Variants in HHIPL1 observed in about 807,000 individuals in gnomAD.
The protein encoded by HHIPL1 is HHIP-like protein 1.
A neutral mutation model predicts 61.8 loss-of-function variants in HHIPL1; 43 were observed. The observed-to-expected ratio is 0.70, with a 90% confidence interval of 0.55 to 0.90. The LOEUF is 0.90. Among genes scored for constraint, HHIPL1 ranks in the 40% least tolerant of loss-of-function variants. The probability of loss-of-function intolerance (pLI) is 0.00; values close to 1 mark genes in which losing one functional copy is unlikely to be tolerated. For synonymous variants in HHIPL1, 482 were observed against 515.8 expected (o/e 0.93, Z 0.89); for missense variants, 1,056 against 1,157.7 (o/e 0.91, Z 1.28).
At chr14:99,608,698 A>G in the HHIPL1 span, among the ~76,000 whole-genome samples, 1 of 152,328 alleles carries the variant, frequency 6.6e-6, no homozygotes, top group African/African-American at 2.4e-5. Context: ...AATATGGACA[A>G]TGTTGACTGG....
chr14:99,658,496 G>A (rs1435572563), intron 3 of HHIPL1, among the ~76,000 whole-genome samples: 2 of 152,078 alleles, frequency 1.3e-5, no homozygotes, highest in Non-Finnish European at 2.9e-5. Context: ...GAAAGGTGTG[G>A]GTGCTAACGC....
At position 99,678,074 on chromosome 14, in the gene HHIPL1, A is replaced by G. The variant is rs1275819589; in HGVS notation, c.*2448A>G. 6.6e-6 allele frequency: 1 copy of G among 152,254 alleles called. No homozygotes were observed. The highest frequency in any genetic ancestry group is 2.4e-5 in the African/African-American group (1 of 41,454). 9.4% of individuals were successfully genotyped at this position (152,254 alleles called of 1,614,324 possible). On this transcript the variant is annotated 3_prime_UTR_variant, in exon 9 of 9. Transcript: ENST00000330710. ...TCAGATCATCAGGCATTAGATTCTC[A>G]TAAGGAGTTCACAGCCTAGATCCCT...
the HHIPL1 span, among the ~76,000 whole-genome samples, chr14:99,608,776 G>A: frequency 2.1e-3 from 318 of 152,282 alleles, no homozygotes; most frequent in African/African-American, 7.5e-3. Flanking sequence ...CCTCACTGAT[G>A]CGGTAAGAAC....
At chr14:99,616,892 AAAATAAAATTT>A in the HHIPL1 span, among the ~76,000 whole-genome samples, 4 of 152,202 alleles carry the variant, frequency 2.6e-5, no homozygotes, top group Non-Finnish European at 5.9e-5. Context: ...GCAAGGCCTC[AAAATAAAATTT>A]AAGTTTAAAT....
chr14:99,626,264 C>CA, the HHIPL1 span, among the ~76,000 whole-genome samples: 6 of 150,316 alleles, frequency 4.0e-5, no homozygotes, highest in African/African-American at 1.2e-4. Context: ...GTGGGTGTAG[C>CA]GGGGTGTGTG....
the HHIPL1 span, among the ~76,000 whole-genome samples, chr14:99,633,633 G>A: frequency 1.8e-4 from 27 of 152,366 alleles, no homozygotes; most frequent in Non-Finnish European, 3.2e-4. Context: ...ACTGGGAAAT[G>A]TTCGAAATTG....
In HHIPL1 at chr14:99,678,812, A is replaced by C. The variant is rs2056414284; in HGVS notation, c.*3186A>C. Reference sequence around the variant, plus strand: ...ACAGTTACATAGAATAGGGCTTGACAAAGAGTTATTAGCATAAAGCAAGGA... The same window carrying C: ...ACAGTTACATAGAATAGGGCTTGACCAAGAGTTATTAGCATAAAGCAAGGA... On this transcript the variant is annotated 3_prime_UTR_variant, in exon 9 of 9. Transcript: ENST00000330710. The C allele has an allele frequency of 6.6e-6, 1 of 152,284 alleles. No homozygotes were observed. Among genetic ancestry groups the C allele is most frequent in the Non-Finnish European group, 1.5e-5 (1 of 68,056 alleles). The allele number at this position is 152,284 out of a possible 1,614,324, so 9.4% of individuals were successfully genotyped here.
At chr14:99,637,242 AAGAAAGAAAGAAAG>A in the HHIPL1 span, among the ~76,000 whole-genome samples, 1 of 147,910 alleles carries the variant, frequency 6.8e-6, no homozygotes, top group African/African-American at 2.6e-5. Flanking sequence ...GAAAGAAAGA[AAGAAAGAAAGAAAG>A]AAAGAAAGAA....
the HHIPL1 span, among the ~76,000 whole-genome samples, chr14:99,623,556 A>G: frequency 6.6e-6 from 1 of 152,106 alleles, no homozygotes; most frequent in African/African-American, 2.4e-5. Flanking sequence ...TGGGACTGCA[A>G]GAGTGCACCA....
At chr14:99,637,046 AGAAGGAAG>A in the HHIPL1 span, among the ~76,000 whole-genome samples, 7,099 of 92,194 alleles carry the variant, frequency 0.077, 413 homozygotes, top group Non-Finnish European at 0.11. Flanking sequence ...AAAGAAAGAA[AGAAGGAAG>A]GAAGGAAAAA....
intron 8 of HHIPL1, 105 bp downstream of exon 8, chr14:99,672,504 C>A (rs544897825): frequency 3.4e-6 from 3 of 892,534 alleles, no homozygotes; most frequent in Admixed American, 4.0e-5. Context: ...GACCTAGATG[C>A]CCCTCTTCAG....
At chr14:99,674,577 T>A (rs1481330938) in intron 8 of HHIPL1, among the ~76,000 whole-genome samples, 1 of 152,176 alleles carries the variant, frequency 6.6e-6, no homozygotes, top group Non-Finnish European at 1.5e-5. Flanking sequence ...GTTCCCAACC[T>A]GCTGGCCACT....
chr14:99,672,114 G>A (rs1292451136), intron 7 of HHIPL1, among the ~76,000 whole-genome samples: 1 of 152,246 alleles, frequency 6.6e-6, no homozygotes, highest in Non-Finnish European at 1.5e-5. Flanking sequence ...CCGGTAGGCT[G>A]TTATAGGGGA....
chr14:99,656,836 A>AAAGGAAGG (rs1161567456), intron 2 of HHIPL1, among the ~76,000 whole-genome samples, 164 bp from the exon 3 acceptor site: 76 of 7,066 alleles, frequency 0.011, 3 homozygotes, highest in African/African-American at 0.017. Context: ...AGAAAGAAAG[A>AAAGGAAGG]AAGGAAGGAA....
chr14:99,660,240 C>T lies in HHIPL1; in HGVS notation c.1376-40C>T, dbSNP rs775621640. ...TTCTCCTGGCTGATGAACCTTCCCG[C>T]CGCTGGCTCACCGAAGCTTCTCTCC... On this transcript the variant is annotated intron_variant, in intron 4 of 8. Coordinates refer to ENST00000330710, the MANE Select transcript of HHIPL1 (RefSeq NM_001127258.3). This position sits in a 1 kb window ranked among gnomAD's most constrained non-coding sequence, Gnocchi z 4.9. 20 of 1,612,826 alleles carry T rather than the reference C, an allele frequency of 1.2e-5. No homozygotes were observed. The highest frequency in any genetic ancestry group is 1.7e-5 in the Non-Finnish European group (20 of 1,179,752).
the HHIPL1 span, among the ~76,000 whole-genome samples, chr14:99,613,061 C>T: frequency 2.7e-3 from 411 of 152,196 alleles, 1 homozygote; most frequent in African/African-American, 9.2e-3. Flanking sequence ...CCCTCCCAGC[C>T]CCCTCCTGTT....
intron 1 of HHIPL1, among the ~76,000 whole-genome samples, chr14:99,646,136 C>G (rs1275511871): frequency 6.6e-6 from 1 of 152,282 alleles, no homozygotes; most frequent in Non-Finnish European, 1.5e-5. Flanking sequence ...AGGGTGGAGC[C>G]CCTGCTTCTG....
chr14:99,668,432 G>T lies in HHIPL1; in HGVS notation c.1730+129G>T. Reference sequence around the variant, plus strand: ...CCCATTTTCAGACAAGAACCCTGAGGCCCAGAGAGGGACGTGATTTGCCTC... The same window carrying T: ...CCCATTTTCAGACAAGAACCCTGAGTCCCAGAGAGGGACGTGATTTGCCTC... On this transcript the variant is annotated intron_variant, in intron 7 of 8. Coordinates refer to ENST00000330710, the MANE Select transcript of HHIPL1 (RefSeq NM_001127258.3). This position sits in a 1 kb window ranked among gnomAD's most constrained non-coding sequence, Gnocchi z 4.7. 1.5e-6 allele frequency: 1 copy of T among 657,722 alleles called. No homozygotes were observed. The highest frequency in any genetic ancestry group is 2.2e-5 in the Admixed American group (1 of 44,536). The allele number at this position is 657,722 out of a possible 1,614,324, so 40.7% of individuals were successfully genotyped here.
chr14:99,659,972 A>C (rs1595159865), intron 4 of HHIPL1, among the ~76,000 whole-genome samples: 3 of 141,722 alleles, frequency 2.1e-5, no homozygotes, highest in Non-Finnish European at 3.1e-5. Context: ...ATCTGCCCCC[A>C]CCCCAACTCC....
Sources: allele counts gnomAD v4.1 joint callset (sites outside exome capture counted in the v4.1 genomes callset), GRCh38; gene constraint gnomAD v4.1.1; non-coding constraint Gnocchi (gnomAD v3.1); transcripts MANE v1.5; gene names NCBI Gene and HGNC (gene_info 2026-07-23, HGNC 2026-07-21).